Variants in UPF2 observed in about 807,000 individuals in gnomAD.
UPF2 encodes the protein UPF2 regulator of nonsense mediated mRNA decay.
UPF2 carries 17 observed loss-of-function variants against 141.4 expected under a neutral mutation model. That is an observed-to-expected ratio of 0.12 (90% CI 0.08 to 0.18). The LOEUF (loss-of-function observed/expected upper bound fraction) is 0.18. UPF2 is among the 10% of genes least tolerant of loss of function. UPF2 has a pLI of 1.00. For synonymous variants in UPF2, 540 were observed against 498.0 expected, an observed-to-expected ratio of 1.08 and a Z score of -1.12; for missense variants, 1,152 against 1,515.9, an observed-to-expected ratio of 0.76 and a Z score of 3.99.
At chr10:11,925,940 A>G (rs1832707375) in intron 21 of UPF2, among the ~76,000 whole-genome samples, 1 of 152,378 alleles carries the variant, frequency 6.6e-6, no homozygotes, top group African/African-American at 2.4e-5. Flanking sequence ...AGAAGGGCAC[A>G]CACAGATATC....
At position 12,016,617 on chromosome 10, in the gene UPF2, C is replaced by G. The variant is rs183983041; in HGVS notation, c.1146-2433G>C. ...GCTAAGCCAGGAGAATCACTTGAAC[C>G]CGGGAGGCAGAGGTTGCAGTGAGCC... On this transcript the variant is annotated intron_variant, in intron 3 of 21. Coordinates refer to ENST00000357604, the MANE Select transcript of UPF2 (RefSeq NM_015542.4). The surrounding 1 kb of genome is among the most constrained non-coding windows in gnomAD (Gnocchi z 4.1). 6.6e-6 allele frequency among the ~76,000 whole-genome samples: 1 copy of G among 151,044 alleles called. No individual in the cohort carries two copies. The highest frequency in any genetic ancestry group is 2.1e-4 in the South Asian group (1 of 4,772).
intron 16 of UPF2, among the ~76,000 whole-genome samples, chr10:11,944,939 A>G (rs1377265408): frequency 6.6e-6 from 1 of 152,224 alleles, no homozygotes; most frequent in African/African-American, 2.4e-5. Context: ...CACCTGCTCT[A>G]TGATCTTGGG....
chr10:11,985,862 C>A (rs188458537), intron 8 of UPF2, among the ~76,000 whole-genome samples: 5 of 139,248 alleles, frequency 3.6e-5, no homozygotes, highest in African/African-American at 1.1e-4. Flanking sequence ...TGAAAAGCAA[C>A]TGAAAAATAA....
At chr10:11,981,487 A>T (rs914367741) in intron 8 of UPF2, among the ~76,000 whole-genome samples, 1 of 152,200 alleles carries the variant, frequency 6.6e-6, no homozygotes, top group Admixed American at 6.5e-5. Flanking sequence ...AAAATAAACC[A>T]TATCTTTCTT....
Position 11,956,814 on chromosome 10 carries a change from T to C in UPF2, c.2371-291A>G, listed in dbSNP as rs1045874469. Among the ~76,000 whole-genome samples the C allele has an allele frequency of 2.0e-5, 3 of 152,052 alleles. No individual in the cohort carries two copies. Among genetic ancestry groups the C allele is most frequent in the Non-Finnish European group, 4.4e-5 (3 of 68,008 alleles). On this transcript the variant is annotated intron_variant, in intron 12 of 21. Transcript: ENST00000357604. This position sits in a 1 kb window ranked among gnomAD's most constrained non-coding sequence, Gnocchi z 4.2. The stretch of plus-strand genomic sequence containing the variant: ...TTAAAATAAATATCCAATCAGGAGT[T>C]TGGAGTAGGTTTCTTTTTCCCCCCC...
intron 9 of UPF2, among the ~76,000 whole-genome samples, chr10:11,970,638 C>A (rs1273463343): frequency 6.6e-6 from 1 of 151,994 alleles, no homozygotes; most frequent in Non-Finnish European, 1.5e-5. Flanking sequence ...ACGGTGAAAC[C>A]CTGTCTCTAC....
intron 8 of UPF2, among the ~76,000 whole-genome samples, chr10:11,995,581 A>T (rs957404829): frequency 6.6e-6 from 1 of 152,048 alleles, no homozygotes; most frequent in African/African-American, 2.4e-5. Context: ...TCAGGAGCTC[A>T]AGATCAGCCT....
At chr10:12,033,872 G>C (rs1834572878) in intron 2 of UPF2, among the ~76,000 whole-genome samples, 1 of 152,070 alleles carries the variant, frequency 6.6e-6, no homozygotes, top group Non-Finnish European at 1.5e-5. Context: ...ATTTAGAGAA[G>C]AGCTTATGCT....
intron 4 of UPF2, among the ~76,000 whole-genome samples, chr10:12,010,117 C>T (rs181818317): frequency 6.6e-6 from 1 of 152,292 alleles, no homozygotes; most frequent in East Asian, 1.9e-4. Flanking sequence ...TACCTCCTAA[C>T]AAAGCATCCT....
rs1476178284 is a variant in UPF2 at position 12,042,735 on chromosome 10, G to A, written c.-19+20C>T. On this transcript the variant is annotated intron_variant, in intron 1 of 21. Transcript: ENST00000357604. The surrounding 1 kb of genome is among the most constrained non-coding windows in gnomAD (Gnocchi z 5.5). ...TCCCGATCGTTGGAGCGGAGGGGAA[G>A]GAGGATCCCCGGGACTCACCTCGAG... 1 of 152,578 alleles carries A rather than the reference G, an allele frequency of 6.6e-6. No homozygotes were observed. The highest frequency in any genetic ancestry group is 1.5e-5 in the Non-Finnish European group (1 of 68,358). 9.5% of individuals were successfully genotyped at this position (152,578 alleles called of 1,614,324 possible).
At chr10:12,025,381 T>C (rs1246270834) in intron 3 of UPF2, among the ~76,000 whole-genome samples, 1 of 152,052 alleles carries the variant, frequency 6.6e-6, no homozygotes, top group African/African-American at 2.4e-5. Flanking sequence ...TGAAACCCCA[T>C]CTCTACTAAA....
At chr10:11,950,222 G>GT (rs1833055964) in intron 15 of UPF2, among the ~76,000 whole-genome samples, 1 of 152,002 alleles carries the variant, frequency 6.6e-6, no homozygotes, top group South Asian at 2.1e-4. Context: ...GATAAAAATG[G>GT]TTTTAGTGTT....
chr10:11,943,194 T>A (rs753356398), intron 16 of UPF2, 26 bp from the exon 17 acceptor site: 1 of 1,548,760 alleles, frequency 6.5e-7, no homozygotes, highest in South Asian at 1.1e-5. Flanking sequence ...ATTAGAAGAT[T>A]AAATAACTTT....
intron 8 of UPF2, among the ~76,000 whole-genome samples, chr10:11,982,808 T>C (rs968267347): frequency 6.6e-6 from 1 of 152,224 alleles, no homozygotes; most frequent in Non-Finnish European, 1.5e-5. Context: ...TTAGTAGAGA[T>C]GGAGTTTCTC....
In UPF2 at chr10:12,023,607, T is replaced by C. The variant is rs370751778; in HGVS notation, c.1145+5138A>G. The stretch of plus-strand genomic sequence containing the variant: ...CGGGAGGCTGAGGCAAGGGAATCGG[T>C]TGAACCCAGGAGGTGGAGGTTGTGA... On this transcript the variant is annotated intron_variant, in intron 3 of 21. Transcript: ENST00000357604. Among the ~76,000 whole-genome samples the C allele has an allele frequency of 6.4e-4, 96 of 150,854 alleles. 4 individuals are homozygous for C. In the South Asian group the frequency reaches 0.018, roughly 28 times the overall value.
chr10:11,943,000 T>C (rs1832955074), intron 17 of UPF2, 64 bp downstream of exon 17: 6 of 1,229,462 alleles, frequency 4.9e-6, no homozygotes, highest in Non-Finnish European at 6.9e-6. Context: ...GTTTCGTGAC[T>C]AAAATTCAAA....
At chr10:11,994,715 G>A (rs900869576) in intron 8 of UPF2, among the ~76,000 whole-genome samples, 3 of 151,974 alleles carry the variant, frequency 2.0e-5, no homozygotes, top group Non-Finnish European at 4.4e-5. Flanking sequence ...GATAGTTTCC[G>A]CCTGTAATCC....
chr10:12,027,942 A>C (rs1834449377), intron 3 of UPF2, among the ~76,000 whole-genome samples: 1 of 152,222 alleles, frequency 6.6e-6, no homozygotes, highest in Admixed American at 6.5e-5. Context: ...AAATAGTTTA[A>C]TACTCAGCCA....
At position 11,992,935 on chromosome 10, in the gene UPF2, G is replaced by A. The variant is rs1031665126; in HGVS notation, c.1844+4737C>T. Among the ~76,000 whole-genome samples, 13 of 152,134 alleles carry A rather than the reference G, an allele frequency of 8.5e-5. No individual in the cohort carries two copies. Among genetic ancestry groups the A allele is most frequent in the Admixed American group, 4.6e-4 (7 of 15,286 alleles). On this transcript the variant is annotated intron_variant, in intron 8 of 21. Coordinates refer to ENST00000357604, the MANE Select transcript of UPF2 (RefSeq NM_015542.4). The surrounding 1 kb of genome is among the most constrained non-coding windows in gnomAD (Gnocchi z 4.1). ...AGGCCAAGGCGAGTGAATCACTTGC[G>A]GTCAGGAGTTCAAGACCAGCCTGGT...
Sources: gnomAD v4.1 joint callset for allele counts (sites outside exome capture counted in the v4.1 genomes callset) on GRCh38, gnomAD v4.1.1 for gene constraint, Gnocchi (gnomAD v3.1) non-coding constraint, MANE v1.5 for transcripts, NCBI Gene and HGNC (gene_info 2026-07-23, HGNC 2026-07-21) for gene names.